The following CRTAP variants were observed in gnomAD, a reference collection of about 807,000 sequenced individuals.
The protein encoded by CRTAP is cartilage-associated protein.
In CRTAP, 33 loss-of-function variants were observed where a neutral mutation model predicts 42.7. The ratio of observed to expected loss-of-function variants is 0.77; its 90% CI spans 0.59 to 1.03. The LOEUF is 1.03. Among genes scored for constraint, CRTAP ranks in the 50% least tolerant of loss-of-function variants. CRTAP has a pLI of 0.00. For missense variants in CRTAP, 613 were observed against 533.9 expected (o/e 1.15, Z -1.46); for synonymous variants, 243 against 217.7 (o/e 1.12, Z -1.02).
In CRTAP at chr3:33,120,679, C is replaced by T. The variant is rs77707231; in HGVS notation, c.621+186C>T. Among the ~76,000 whole-genome samples, 148 of 152,120 alleles carry T rather than the reference C, an allele frequency of 9.7e-4. No homozygotes were observed. The East Asian group carries it at 0.019, about 20-fold the overall frequency. On this transcript the variant is annotated intron_variant, in intron 2 of 6. Transcript: ENST00000320954. ...CCATTTAATAATGATATTTTGTATGCCGTGATGATTTTAAAAGCCATGTTC... is the reference window on the plus strand; with the variant it reads ...CCATTTAATAATGATATTTTGTATGTCGTGATGATTTTAAAAGCCATGTTC...
At chr3:33,138,765 G>C (rs79011274) in intron 6 of CRTAP, among the ~76,000 whole-genome samples, 26,605 of 152,092 alleles carry the variant, frequency 0.17, 2,429 homozygotes, top group East Asian at 0.28. Flanking sequence ...CCAGCACTTT[G>C]GGAGGCTGAG....
At chr3:33,114,772 G>A (rs1259866500) in intron 1 of CRTAP, among the ~76,000 whole-genome samples, 4 of 152,210 alleles carry the variant, frequency 2.6e-5, no homozygotes, top group African/African-American at 9.6e-5. Context: ...TAGAGAATAC[G>A]TACACAGAAC....
In CRTAP at chr3:33,146,466, A is replaced by G. The variant is rs1346727741; in HGVS notation, c.*4018A>G. The G allele has an allele frequency of 6.6e-6, 1 of 152,320 alleles. No homozygotes were observed. The highest frequency in any genetic ancestry group is 1.5e-5 in the Non-Finnish European group (1 of 68,120). 9.4% of individuals were successfully genotyped at this position (152,320 alleles called of 1,614,324 possible). A position where few individuals can be genotyped will look rare whatever the true frequency, so the allele number is the denominator to read the frequency against. ...TTCACACTTGACTTGTGGAGAAGCG[A>G]AGGGCTGAGGGGAGGTTTGTGTACA... is the stretch of plus-strand genomic sequence containing the variant. On this transcript the variant is annotated 3_prime_UTR_variant, in exon 7 of 7. Transcript: ENST00000320954.
intron 4 of CRTAP, among the ~76,000 whole-genome samples, chr3:33,130,525 CTTTTTTT>C (rs765558103): frequency 1.3e-4 from 7 of 55,274 alleles, no homozygotes; most frequent in East Asian, 1.3e-3. Context: ...CTTTTCTTTT[CTTTTTTT>C]TTTTTTTTTT....
Position 33,114,407 on chromosome 3 carries a change from G to A in CRTAP, c.330G>A (p.Gly110=). The part of the protein sequence containing the change: ...LASYPELRLF[G]GLLRRAHCLK... ...GCTATCCCGAGCTGCGCCTCTTCGG[G>A]GGCCTGCTGCGCCGCGCGCACTGCC... is the stretch of plus-strand genomic sequence containing the variant. The change falls in exon 1 of 7, where the codon GGG becomes GGA. Residue 110 remains glycine (G), a synonymous_variant. Coordinates refer to ENST00000320954, the MANE Select transcript of CRTAP (RefSeq NM_006371.5). 1 of 1,542,218 alleles carries A rather than the reference G, an allele frequency of 6.5e-7. No individual in the cohort carries two copies. Among genetic ancestry groups the A allele is most frequent in the Non-Finnish European group, 8.7e-7 (1 of 1,149,072 alleles).
chr3:33,137,189 GGA>G (rs1370426221), intron 6 of CRTAP, among the ~76,000 whole-genome samples: 1 of 152,080 alleles, frequency 6.6e-6, no homozygotes, highest in Non-Finnish European at 1.5e-5. Context: ...TGCCCAGGCT[GGA>G]GTGCAATGGT....
chr3:33,141,475 G>A (rs1283704460), intron 6 of CRTAP, among the ~76,000 whole-genome samples: 2 of 152,170 alleles, frequency 1.3e-5, no homozygotes, highest in Non-Finnish European at 2.9e-5. Flanking sequence ...TACTTGATAG[G>A]TTTTCCAGTT....
At chr3:33,137,317 T>C (rs2030450561) in intron 6 of CRTAP, among the ~76,000 whole-genome samples, 1 of 152,134 alleles carries the variant, frequency 6.6e-6, no homozygotes, top group African/African-American at 2.4e-5. Context: ...TTTTTTGTAT[T>C]GTTAGTTGAG....
At chr3:33,130,534 T>C (rs868376910) in intron 4 of CRTAP, among the ~76,000 whole-genome samples, 32 of 128,092 alleles carry the variant, frequency 2.5e-4, no homozygotes, top group Non-Finnish European at 4.5e-4. Flanking sequence ...TCTTTTTTTT[T>C]TTTTTTTTTT....
chr3:33,126,166 C>T (rs1199389447), intron 3 of CRTAP, among the ~76,000 whole-genome samples: 3 of 152,204 alleles, frequency 2.0e-5, no homozygotes, highest in African/African-American at 4.8e-5. Context: ...TTTCTACTTT[C>T]TGTCTTTGTG....
chr3:33,139,173 C>G (rs1403920494), intron 6 of CRTAP, among the ~76,000 whole-genome samples: 2 of 151,786 alleles, frequency 1.3e-5, no homozygotes, highest in Non-Finnish European at 2.9e-5. Context: ...TATGATGGTG[C>G]ACATCTGTAA....
rs1324342581 is a variant in CRTAP at position 33,115,664 on chromosome 3, T to C, written c.471+1116T>C. On this transcript the variant is annotated intron_variant, in intron 1 of 6. Coordinates refer to ENST00000320954, the MANE Select transcript of CRTAP (RefSeq NM_006371.5). ...AATATATTGTGTTTTTTAAAATTAC[T>C]ACAAAAATAGATTCATGGCATATCC... 2.0e-5 allele frequency among the ~76,000 whole-genome samples: 3 copies of C among 152,236 alleles called. No homozygotes were observed. In the East Asian group the frequency reaches 5.8e-4, roughly 29 times the overall value.
Position 33,132,705 on chromosome 3 carries a change from G to A in CRTAP, c.1068+5G>A. 6.2e-7 allele frequency: 1 copy of A among 1,613,696 alleles called. No homozygotes were observed. The highest frequency in any genetic ancestry group is 8.5e-7 in the Non-Finnish European group (1 of 1,179,868). ...GAGCACTTCCAGCCCAGACCTGTAAGTCTGGTGCACCACACCTTCCCTTTT... is the reference window on the plus strand; with the variant it reads ...GAGCACTTCCAGCCCAGACCTGTAAATCTGGTGCACCACACCTTCCCTTTT... On this transcript the variant is annotated splice_donor_5th_base_variant and intron_variant, in intron 5 of 6. Coordinates refer to ENST00000320954, the MANE Select transcript of CRTAP (RefSeq NM_006371.5).
rs752605909 is a variant in CRTAP, at chr3:33,114,448, A to G, written c.371A>G (p.Gln124Arg). Residue 124 changes from glutamine (Q) to arginine (R), a missense_variant, in exon 1 of 7, where the codon CAG becomes CGG. Physicochemically the swap from Gln to Arg is conservative, Grantham distance 43. Transcript: ENST00000320954. Reference sequence around the variant, plus strand: ...GCGCACTGCCTCAAGCGCTGCAAGCAGGGCCTGCCAGCCTTCCGCCAGTCC... The same window carrying G: ...GCGCACTGCCTCAAGCGCTGCAAGCGGGGCCTGCCAGCCTTCCGCCAGTCC... ...RRAHCLKRCK[Q>R]GLPAFRQSQP... The G allele has an allele frequency of 6.3e-7, 1 of 1,578,762 alleles. No homozygotes were observed. The highest frequency in any genetic ancestry group is 8.6e-7 in the Non-Finnish European group (1 of 1,164,608).
At chr3:33,124,674 C>T in intron 3 of CRTAP, 95 bp downstream of exon 3, 1 of 1,450,374 alleles carries the variant, frequency 6.9e-7, no homozygotes, top group Non-Finnish European at 9.7e-7. Flanking sequence ...CCTGGAGCAG[C>T]CTCTGAGGAA....
In CRTAP at chr3:33,124,398, T is replaced by A; in HGVS notation, c.622-10T>A. ...AGAGCGAGCTTCACTGGCTTCTCCA[T>A]GCCTTTCAGAGCCTGTTCATCCGAG... On this transcript the variant is annotated splice_polypyrimidine_tract_variant and intron_variant, in intron 2 of 6. Coordinates refer to ENST00000320954, the MANE Select transcript of CRTAP (RefSeq NM_006371.5). 2 of 1,613,934 alleles carry A rather than the reference T, an allele frequency of 1.2e-6. No homozygotes were observed. Among genetic ancestry groups the A allele is most frequent in the Non-Finnish European group, 1.7e-6 (2 of 1,180,028 alleles).
chr3:33,130,533 T>C (rs1221162996), intron 4 of CRTAP, among the ~76,000 whole-genome samples: 25 of 127,412 alleles, frequency 2.0e-4, no homozygotes, highest in East Asian at 1.3e-3. Flanking sequence ...TTCTTTTTTT[T>C]TTTTTTTTTT....
intron 1 of CRTAP, among the ~76,000 whole-genome samples, chr3:33,117,183 T>C (rs527737999): frequency 2.6e-5 from 4 of 152,320 alleles, no homozygotes; most frequent in Admixed American, 2.0e-4. Flanking sequence ...GCACATACAT[T>C]CTACCTGGCA....
At chr3:33,129,822 C>T (rs2030196118) in intron 3 of CRTAP, 117 bp from the exon 4 acceptor site, 3 of 989,850 alleles carry the variant, frequency 3.0e-6, no homozygotes, top group Non-Finnish European at 3.1e-6. Flanking sequence ...CAGGCGTGAG[C>T]CACCGCGCCC....
Sources: allele counts gnomAD v4.1 joint callset (sites outside exome capture counted in the v4.1 genomes callset), GRCh38; gene constraint gnomAD v4.1.1; transcripts MANE v1.5; gene names NCBI Gene and HGNC (gene_info 2026-07-23, HGNC 2026-07-21).